The following APBA1 variants were observed in gnomAD, a reference collection of about 807,000 sequenced individuals.
APBA1 encodes amyloid beta precursor protein binding family A member 1.
A neutral mutation model predicts 86.6 loss-of-function variants in APBA1; 55 were observed. That is an observed-to-expected ratio of 0.64 (90% CI 0.51 to 0.80). APBA1 has a LOEUF of 0.80. Ranked by LOEUF, APBA1 falls within the 30% of genes least tolerant of loss-of-function variation. The probability of loss-of-function intolerance (pLI) is 0.00; values close to 1 mark genes in which losing one functional copy is unlikely to be tolerated. For missense variants in APBA1, 1,090 were observed against 1,183.0 expected (o/e 0.92, Z 1.15); for synonymous variants, 511 against 493.9 (o/e 1.03, Z -0.46).
intron 1 of APBA1, among the ~76,000 whole-genome samples, chr9:69,660,447 A>T (rs1426794974): frequency 1.3e-5 from 2 of 152,232 alleles, no homozygotes; most frequent in Non-Finnish European, 2.9e-5. Context: ...GAGCAAAGCT[A>T]AACATCTGGC....
At position 69,538,010 on chromosome 9, in the gene APBA1, A is replaced by G. The variant is rs530582892; in HGVS notation, c.-69-20731T>C. 1.7e-4 allele frequency among the ~76,000 whole-genome samples: 25 copies of G among 150,502 alleles called. No homozygotes were observed. In the South Asian group the frequency reaches 4.5e-3, roughly 27 times the overall value. Reference sequence around the variant, plus strand: ...AAACACAACAGAATCTTGGGCACCCATGTTTATGGAAAATCCTACAAAAGC... The same window carrying G: ...AAACACAACAGAATCTTGGGCACCCGTGTTTATGGAAAATCCTACAAAAGC... On this transcript the variant is annotated intron_variant, in intron 1 of 12. Coordinates refer to ENST00000265381, the MANE Select transcript of APBA1 (RefSeq NM_001163.4).
rs1036227949 is a variant in APBA1 at position 69,495,670 on chromosome 9, A to C, written c.1201-19527T>G. 1.8e-4 allele frequency among the ~76,000 whole-genome samples: 27 copies of C among 152,048 alleles called. 1 individual carries two copies. Among genetic ancestry groups the C allele is most frequent in the African/African-American group, 6.5e-4 (27 of 41,406 alleles). Reference sequence around the variant, plus strand: ...ACCCCTTCTGGCAGCAGCACCTACTATTTCTGGAGAAAATAAACTCGGCTC... The same window carrying C: ...ACCCCTTCTGGCAGCAGCACCTACTCTTTCTGGAGAAAATAAACTCGGCTC... On this transcript the variant is annotated intron_variant, in intron 2 of 12. Transcript: ENST00000265381.
intron 1 of APBA1, among the ~76,000 whole-genome samples, chr9:69,525,342 T>C (rs72717197): frequency 0.2 from 30,595 of 152,010 alleles, 3,121 homozygotes; most frequent in Admixed American, 0.23. Flanking sequence ...CTAAAGACTA[T>C]GCCAAAAGGC....
chr9:69,456,958 G>T, intron 7 of APBA1, 95 bp downstream of exon 7: 1 of 1,049,736 alleles, frequency 9.5e-7, no homozygotes, highest in Non-Finnish European at 1.5e-6. Context: ...AGGGACAGCT[G>T]CTCTACAGAC....
chr9:69,463,817 C>G (rs930701042), intron 5 of APBA1: 1 of 152,166 alleles, frequency 6.6e-6, no homozygotes. Context: ...GTGAAAGTGC[C>G]AAGCCAGAAA....
rs138396201 is a variant in APBA1, at chr9:69,568,049, G to A, written c.-69-50770C>T. ...CAAAAATGCTTAACAAACACAGTAA[G>A]TATGAGAAATGACATAGGATAAGGT... On this transcript the variant is annotated intron_variant, in intron 1 of 12. Coordinates refer to ENST00000265381, the MANE Select transcript of APBA1 (RefSeq NM_001163.4). Among the ~76,000 whole-genome samples, 645 of 152,306 alleles carry A rather than the reference G, an allele frequency of 4.2e-3. 6 individuals are homozygous for A. Among genetic ancestry groups the A allele is most frequent in the Non-Finnish European group, 4.9e-3 (333 of 68,028 alleles).
intron 2 of APBA1, among the ~76,000 whole-genome samples, chr9:69,506,368 A>G (rs1835965823): frequency 7.4e-6 from 1 of 135,310 alleles, no homozygotes; most frequent in Non-Finnish European, 1.6e-5. Context: ...ACCGGCTTAA[A>G]AAACCGCGCA....
At chr9:69,583,739 T>C (rs1821961986) in intron 1 of APBA1, among the ~76,000 whole-genome samples, 1 of 152,240 alleles carries the variant, frequency 6.6e-6, no homozygotes, top group Non-Finnish European at 1.5e-5. Context: ...TTTTCATGGC[T>C]GACCTCCTCT....
chr9:69,471,928 ACAAT>A (rs1205267946), intron 3 of APBA1, among the ~76,000 whole-genome samples: 2 of 152,230 alleles, frequency 1.3e-5, no homozygotes, highest in Non-Finnish European at 2.9e-5. Context: ...CTTACATTTC[ACAAT>A]CAGAGAGGTA....
chr9:69,529,953 G>A (rs570609791), intron 1 of APBA1, among the ~76,000 whole-genome samples: 8 of 151,908 alleles, frequency 5.3e-5, no homozygotes, highest in East Asian at 1.9e-4. Flanking sequence ...TGTTCACATC[G>A]TTAATCATCA....
Position 69,516,647 on chromosome 9 carries a change from G to C in APBA1, c.564C>G (p.Ala188=). The change falls in exon 2 of 13, where the codon GCC becomes GCG. Residue 188 remains alanine, a synonymous_variant. Transcript: ENST00000265381. The surrounding 1 kb of genome is among the most constrained non-coding windows in gnomAD (Gnocchi z 7.3). ...CGTGCTCCTGGAGGCCGCCGTAGTC[G>C]GCATAGGGCTCGGAGTAGGGCTCGT... ...GEDEPYSEPY[A]DYGGLQEHVY... The C allele has an allele frequency of 6.2e-7, 1 of 1,609,012 alleles. No homozygotes were observed. The highest frequency in any genetic ancestry group is 8.5e-7 in the Non-Finnish European group (1 of 1,179,126).
chr9:69,499,151 A>G (rs1201343229), intron 2 of APBA1, among the ~76,000 whole-genome samples: 1 of 152,152 alleles, frequency 6.6e-6, no homozygotes, highest in African/African-American at 2.4e-5. Flanking sequence ...TAGAGCCAAC[A>G]CTGGAATGTA....
intron 1 of APBA1, among the ~76,000 whole-genome samples, chr9:69,650,060 A>G (rs1453580367): frequency 2.0e-5 from 3 of 152,206 alleles, no homozygotes; most frequent in African/African-American, 7.2e-5. Flanking sequence ...ATAAACAGGA[A>G]GATGAGAGAC....
intron 1 of APBA1, among the ~76,000 whole-genome samples, chr9:69,522,912 T>G (rs1836276320): frequency 4.6e-5 from 7 of 151,672 alleles, no homozygotes; most frequent in Admixed American, 4.6e-4. Context: ...GGAAGACACA[T>G]GCAGAATAGT....
At chr9:69,505,706 T>C (rs911578077) in intron 2 of APBA1, among the ~76,000 whole-genome samples, 2 of 152,090 alleles carry the variant, frequency 1.3e-5, no homozygotes, top group African/African-American at 2.4e-5. Context: ...GACAGATCAG[T>C]AGGCTGTGGA....
Position 69,511,876 on chromosome 9 carries a change from G to A in APBA1, c.1200+4135C>T, listed in dbSNP as rs1445326887. On this transcript the variant is annotated intron_variant, in intron 2 of 12. Coordinates refer to ENST00000265381, the MANE Select transcript of APBA1 (RefSeq NM_001163.4). ...CTCATAGGCGGGAATTGAACAATGA[G>A]ATCACATGGACACAGGAAGGGGAAT... Among the ~76,000 whole-genome samples the A allele has an allele frequency of 4.7e-5, 7 of 149,264 alleles. No homozygotes were observed. The East Asian group carries it at 1.4e-3, about 30-fold the overall frequency.
chr9:69,616,023 C>G (rs1015799146), intron 1 of APBA1, among the ~76,000 whole-genome samples: 1 of 152,148 alleles, frequency 6.6e-6, no homozygotes, highest in Non-Finnish European at 1.5e-5. Context: ...TCTTTCCCCC[C>G]TTAATGCTAC....
intron 11 of APBA1, among the ~76,000 whole-genome samples, chr9:69,437,426 A>G (rs1834747582): frequency 7.4e-6 from 1 of 135,586 alleles, no homozygotes; most frequent in Non-Finnish European, 1.6e-5. Flanking sequence ...TTTGGTTGGT[A>G]AGCTATTAAT....
chr9:69,564,159 C>T (rs964830653), intron 1 of APBA1, among the ~76,000 whole-genome samples: 9 of 152,166 alleles, frequency 5.9e-5, no homozygotes, highest in African/African-American at 1.9e-4. Flanking sequence ...TTACAGATGA[C>T]TGATGGAACT....
Sources: gnomAD v4.1 joint callset for allele counts (sites outside exome capture counted in the v4.1 genomes callset) on GRCh38, gnomAD v4.1.1 for gene constraint, Gnocchi (gnomAD v3.1) non-coding constraint, MANE v1.5 for transcripts, NCBI Gene and HGNC (gene_info 2026-07-23, HGNC 2026-07-21) for gene names.